Variants in LRRC4C observed in about 807,000 individuals in gnomAD.
The protein encoded by LRRC4C is leucine-rich repeat-containing protein 4C.
Under a neutral mutation model 33.6 loss-of-function variants are expected in LRRC4C, and 5 were observed. The observed-to-expected ratio is 0.15, with a 90% CI of 0.08 to 0.31. The LOEUF (loss-of-function observed/expected upper bound fraction) is 0.31. Among genes scored for constraint, LRRC4C ranks in the 10% least tolerant of loss-of-function variants. LRRC4C has a pLI of 1.00. For missense variants in LRRC4C, 560 were observed against 796.7 expected, an observed-to-expected ratio of 0.70 and a Z score of 3.58; for synonymous variants, 329 against 302.0, an observed-to-expected ratio of 1.09 and a Z score of -0.93.
At chr11:40,504,456 T>C (rs1954934267) in intron 3 of LRRC4C, among the ~76,000 whole-genome samples, 2 of 116,516 alleles carry the variant, frequency 1.7e-5, no homozygotes, top group South Asian at 4.8e-4. Flanking sequence ...TATGAACAGA[T>C]GCCACTTGGA....
At chr11:41,341,403 C>T (rs1205373686) in intron 1 of LRRC4C, among the ~76,000 whole-genome samples, 1 of 152,156 alleles carries the variant, frequency 6.6e-6, no homozygotes, top group Non-Finnish European at 1.5e-5. Flanking sequence ...GTCTCAGCAC[C>T]TGAGTATTGC....
intron 2 of LRRC4C, among the ~76,000 whole-genome samples, chr11:40,661,906 G>T (rs191961695): frequency 1.3e-5 from 2 of 152,072 alleles, no homozygotes; most frequent in African/African-American, 2.4e-5. Context: ...CAGAACATCC[G>T]CAGAGAGAAG....
chr11:41,446,244 A>C (rs754578134), intron 1 of LRRC4C, among the ~76,000 whole-genome samples: 6 of 152,218 alleles, frequency 3.9e-5, no homozygotes, highest in Non-Finnish European at 7.3e-5. Context: ...AATTCTAGGA[A>C]ATGAGTAATG....
intron 1 of LRRC4C, among the ~76,000 whole-genome samples, chr11:41,435,521 T>C (rs1285525160): frequency 6.6e-6 from 1 of 152,218 alleles, no homozygotes; most frequent in Non-Finnish European, 1.5e-5. Flanking sequence ...ATTTATTAAG[T>C]ACCTACTAAG....
chr11:40,312,955 C>T (rs58461946), intron 4 of LRRC4C, among the ~76,000 whole-genome samples: 3,880 of 152,126 alleles, frequency 0.026, 196 homozygotes, highest in African/African-American at 0.087. Context: ...TGCAGAATTG[C>T]TAAGTCCAAC....
At chr11:40,696,721 TTG>T (rs1345242755) in intron 2 of LRRC4C, among the ~76,000 whole-genome samples, 2 of 134,774 alleles carry the variant, frequency 1.5e-5, no homozygotes, top group Non-Finnish European at 3.2e-5. Context: ...CACAGAAAAA[TTG>T]TCTCTGTGCA....
chr11:40,936,481 C>T (rs1019792017), intron 1 of LRRC4C, among the ~76,000 whole-genome samples: 5 of 151,430 alleles, frequency 3.3e-5, no homozygotes, highest in African/African-American at 1.2e-4. Context: ...GGACTACAGG[C>T]GCCCGCCACC....
intron 2 of LRRC4C, among the ~76,000 whole-genome samples, chr11:40,650,709 T>C (rs1311317860): frequency 6.6e-6 from 1 of 152,206 alleles, no homozygotes; most frequent in African/African-American, 2.4e-5. Flanking sequence ...TTTAACTAAG[T>C]TTAACAAAAA....
At chr11:40,813,769 T>C (rs921153729) in intron 2 of LRRC4C, among the ~76,000 whole-genome samples, 2 of 151,930 alleles carry the variant, frequency 1.3e-5, no homozygotes, top group African/African-American at 4.8e-5. Context: ...CCATTCCAAA[T>C]GGGAGAAACT....
chr11:40,716,940 A>G (rs779730134), intron 2 of LRRC4C, among the ~76,000 whole-genome samples: 9 of 152,160 alleles, frequency 5.9e-5, no homozygotes, highest in Non-Finnish European at 1.3e-4. Context: ...CGGAGCTGCC[A>G]CACTTGAAGG....
At chr11:40,301,333 G>C (rs1349996262) in intron 4 of LRRC4C, among the ~76,000 whole-genome samples, 1 of 152,148 alleles carries the variant, frequency 6.6e-6, no homozygotes, top group Non-Finnish European at 1.5e-5. Flanking sequence ...AAGGGAGAAG[G>C]TATGTGTGCA....
chr11:40,915,814 A>G (rs1309404349), intron 2 of LRRC4C, among the ~76,000 whole-genome samples: 1 of 152,136 alleles, frequency 6.6e-6, no homozygotes, highest in African/African-American at 2.4e-5. Context: ...AAGGGCTAAT[A>G]TCCAGAATCT....
chr11:41,128,589 C>A (rs190500253), intron 1 of LRRC4C, among the ~76,000 whole-genome samples: 65 of 152,020 alleles, frequency 4.3e-4, no homozygotes, highest in Non-Finnish European at 7.4e-4. Context: ...ATTTTGGAGA[C>A]CAAATACTTA....
chr11:41,184,492 G>A (rs1306387803), intron 1 of LRRC4C, among the ~76,000 whole-genome samples: 2 of 152,104 alleles, frequency 1.3e-5, no homozygotes, highest in African/African-American at 4.8e-5. Context: ...AACATAACAA[G>A]AGTCACTTTT....
intron 3 of LRRC4C, among the ~76,000 whole-genome samples, chr11:40,470,006 T>A (rs1952848035): frequency 6.6e-6 from 1 of 152,146 alleles, no homozygotes; most frequent in African/African-American, 2.4e-5. Context: ...GAAGAGTGGA[T>A]CTCCCAGCAC....
At chr11:41,227,151 A>G (rs1320574938) in intron 1 of LRRC4C, among the ~76,000 whole-genome samples, 1 of 152,086 alleles carries the variant, frequency 6.6e-6, no homozygotes, top group Non-Finnish European at 1.5e-5. Context: ...TTTTGGTTTC[A>G]TGTTGCTGCT....
rs1955377890 is a variant in LRRC4C, at chr11:40,512,687, A to C, written c.-270+135455T>G. Among the ~76,000 whole-genome samples, 6 of 152,324 alleles carry C rather than the reference A, an allele frequency of 3.9e-5. No individual in the cohort carries two copies. In the South Asian group the frequency reaches 1.2e-3, roughly 32 times the overall value. On this transcript the variant is annotated intron_variant, in intron 3 of 6. Transcript: ENST00000528697. The stretch of plus-strand genomic sequence containing the variant: ...GGGTTTCCGAAAAGCACAAAAGTGA[A>C]AGCCGCTGAGCCACCTTAAAGATCA...
intron 3 of LRRC4C, among the ~76,000 whole-genome samples, chr11:40,334,162 C>T (rs1946492499): frequency 6.6e-6 from 1 of 152,064 alleles, no homozygotes; most frequent in Non-Finnish European, 1.5e-5. Flanking sequence ...ACTGGGGATC[C>T]TCTTACATTT....
At chr11:41,235,913 T>C (rs1948001970) in intron 1 of LRRC4C, among the ~76,000 whole-genome samples, 1 of 152,120 alleles carries the variant, frequency 6.6e-6, no homozygotes, top group South Asian at 2.1e-4. Flanking sequence ...CTGCCCATCA[T>C]ATAGACATTC....
Sources: allele counts gnomAD v4.1 joint callset (sites outside exome capture counted in the v4.1 genomes callset), GRCh38; gene constraint gnomAD v4.1.1; transcripts MANE v1.5; gene names NCBI Gene and HGNC (gene_info 2026-07-23, HGNC 2026-07-21).